NHLRC2: variants seen among roughly 807,000 people sequenced by gnomAD.
NHLRC2 encodes the protein NHL repeat-containing protein 2.
In NHLRC2, 33 loss-of-function variants were observed where a neutral mutation model predicts 68.1. The observed-to-expected ratio is 0.48, with a 90% CI of 0.37 to 0.65. The LOEUF is 0.65. Ranked by LOEUF, NHLRC2 falls within the 30% of genes least tolerant of loss-of-function variation. The pLI, the probability that NHLRC2 is intolerant of heterozygous loss-of-function variation, is 0.00. For missense variants in NHLRC2, 761 were observed against 853.8 expected, an observed-to-expected ratio of 0.89 and a Z score of 1.35; for synonymous variants, 311 against 309.6, an observed-to-expected ratio of 1.00 and a Z score of -0.05.
At chr10:113,891,913 G>C (rs1846136711) in intron 5 of NHLRC2, among the ~76,000 whole-genome samples, 1 of 152,154 alleles carries the variant, frequency 6.6e-6, no homozygotes, top group African/African-American at 2.4e-5. Flanking sequence ...GTCTGTGATT[G>C]GTTTGGGGAG....
chr10:113,916,352 T>G lies in NHLRC2; in HGVS notation c.*7816T>G, dbSNP rs1399541459. 1 of 152,186 alleles carries G rather than the reference T, an allele frequency of 6.6e-6. No homozygotes were observed. The highest frequency in any genetic ancestry group is 6.5e-5 in the Admixed American group (1 of 15,286). The allele number at this position is 152,186 out of a possible 1,614,324, so 9.4% of individuals were successfully genotyped here. On this transcript the variant is annotated 3_prime_UTR_variant, in exon 11 of 11. Transcript: ENST00000369301. ...AACAATAGTAGTTTCTGTAGAAGTT[T>G]CAGTGAGAAATTATGGTTATATAAA... is the stretch of plus-strand genomic sequence containing the variant.
At position 113,858,664 on chromosome 10, in the gene NHLRC2, CACAT is replaced by C. The variant is rs1442077483; in HGVS notation, c.318_321del (p.Tyr107LeufsTer50). ...TGCCTGATCTCCATGCATTAGAACA[CACAT>C]ACTCTGATAAAGGTATCTGCTCTTT... is the stretch of plus-strand genomic sequence containing the variant. On this transcript the variant is annotated frameshift_variant, in exon 2 of 11. Transcript: ENST00000369301. LOFTEE classifies it high-confidence loss of function. 1 of 1,610,596 alleles carries C rather than the reference CACAT, an allele frequency of 6.2e-7. No individual in the cohort carries two copies. Among genetic ancestry groups the C allele is most frequent in the Non-Finnish European group, 8.5e-7 (1 of 1,177,108 alleles).
At chr10:113,877,576 G>A (rs1845996132) in intron 3 of NHLRC2, among the ~76,000 whole-genome samples, 1 of 152,060 alleles carries the variant, frequency 6.6e-6, no homozygotes, top group African/African-American at 2.4e-5. Context: ...CCTGGTCTTA[G>A]ATCTAAAACT....
At chr10:113,864,469 G>A (rs1448695842) in intron 2 of NHLRC2, among the ~76,000 whole-genome samples, 2 of 152,148 alleles carry the variant, frequency 1.3e-5, no homozygotes, top group Non-Finnish European at 2.9e-5. Context: ...GGAGGCCAAG[G>A]CAGGCGGATC....
chr10:113,877,942 A>G (rs1845999865), intron 3 of NHLRC2, among the ~76,000 whole-genome samples: 1 of 152,180 alleles, frequency 6.6e-6, no homozygotes, highest in Non-Finnish European at 1.5e-5. Flanking sequence ...CTTTTGTAGC[A>G]GTTTGAATTT....
intron 6 of NHLRC2, among the ~76,000 whole-genome samples, chr10:113,900,538 C>T (rs10787509): frequency 0.39 from 59,001 of 151,960 alleles, 13,433 homozygotes; most frequent in Middle Eastern, 0.54. Flanking sequence ...GATGTATTAT[C>T]TTTATTACCG....
At chr10:113,867,711 G>C (rs1845881847) in intron 2 of NHLRC2, among the ~76,000 whole-genome samples, 1 of 152,034 alleles carries the variant, frequency 6.6e-6, no homozygotes, top group East Asian at 1.9e-4. Flanking sequence ...GTTGTCTTCT[G>C]GATCTCAGAA....
rs1033166985 is a variant in NHLRC2 at position 113,910,756 on chromosome 10, T to G, written c.*2220T>G. The G allele has an allele frequency of 3.9e-5, 6 of 152,230 alleles. No individual in the cohort carries two copies. The highest frequency in any genetic ancestry group is 1.4e-4 in the African/African-American group (6 of 41,474). The allele number at this position is 152,230 out of a possible 1,614,324, so 9.4% of individuals were successfully genotyped here. On this transcript the variant is annotated 3_prime_UTR_variant, in exon 11 of 11. Coordinates refer to ENST00000369301, the MANE Select transcript of NHLRC2 (RefSeq NM_198514.4). Reference sequence around the variant, plus strand: ...TGCAAAGGCATTTTTTAGACTCTATTCCCCTTCATTTGTCTAGACAGTTTT... The same window carrying G: ...TGCAAAGGCATTTTTTAGACTCTATGCCCCTTCATTTGTCTAGACAGTTTT...
intron 3 of NHLRC2, among the ~76,000 whole-genome samples, chr10:113,879,355 A>G (rs963710150): frequency 1.6e-4 from 25 of 152,174 alleles, no homozygotes; most frequent in Admixed American, 7.2e-4. Flanking sequence ...TTTCTTCGCT[A>G]TATACTACTA....
chr10:113,901,455 A>G (rs1359172241), intron 6 of NHLRC2, among the ~76,000 whole-genome samples: 2 of 152,262 alleles, frequency 1.3e-5, no homozygotes, highest in Non-Finnish European at 2.9e-5. Flanking sequence ...AAGTAAAGTA[A>G]GAAGTTCCCT....
chr10:113,887,918 T>C (rs545904673), intron 5 of NHLRC2, among the ~76,000 whole-genome samples: 3 of 151,556 alleles, frequency 2.0e-5, no homozygotes, highest in Admixed American at 6.6e-5. Context: ...TGTATGATCT[T>C]ACTTGTGGAA....
intron 2 of NHLRC2, chr10:113,858,912 G>A (rs1395965212): frequency 2.9e-6 from 1 of 350,632 alleles, no homozygotes; most frequent in Non-Finnish European, 5.1e-6. Flanking sequence ...TTTTCTCTGC[G>A]GATAGGGGCA....
At chr10:113,906,805 C>A (rs1015248884) in intron 10 of NHLRC2, among the ~76,000 whole-genome samples, 1 of 152,078 alleles carries the variant, frequency 6.6e-6, no homozygotes, top group Non-Finnish European at 1.5e-5. Context: ...CTGGCTAACA[C>A]GGTGAAACCC....
Position 113,904,916 on chromosome 10 carries a change from A to G in NHLRC2, c.1804A>G (p.Arg602Gly), listed in dbSNP as rs746122417. The G allele has an allele frequency of 6.2e-7, 1 of 1,608,986 alleles. No homozygotes were observed. Among genetic ancestry groups the G allele is most frequent in the Non-Finnish European group, 8.5e-7 (1 of 1,178,244 alleles). Residue 602 changes from arginine (R) to glycine (G), a missense_variant, in exon 10 of 11, where the codon AGG becomes GGG. By Grantham distance (125) the Arg-to-Gly change is moderately radical (BLOSUM62 -2). Coordinates refer to ENST00000369301, the MANE Select transcript of NHLRC2 (RefSeq NM_198514.4). ...PKLPKSAPSI[R>G]LSPVTACAGQ... The stretch of plus-strand genomic sequence containing the variant: ...ACTACCTAAATCTGCTCCAAGCATT[A>G]GGCTTTCCCCCGTGACTGCGTGTGC...
At chr10:113,877,469 A>G (rs1020952035) in intron 3 of NHLRC2, among the ~76,000 whole-genome samples, 4 of 152,158 alleles carry the variant, frequency 2.6e-5, no homozygotes, top group Non-Finnish European at 5.9e-5. Context: ...TTCTTCCATA[A>G]GAACTTGAAC....
intron 2 of NHLRC2, among the ~76,000 whole-genome samples, chr10:113,862,811 A>T (rs919982214): frequency 6.6e-6 from 1 of 152,126 alleles, no homozygotes; most frequent in African/African-American, 2.4e-5. Context: ...CTTTAGATCT[A>T]AAAAGGTTAC....
At position 113,914,787 on chromosome 10, in the gene NHLRC2, T is replaced by A; in HGVS notation, c.*6251T>A. The stretch of plus-strand genomic sequence containing the variant: ...TATTAGCAATAATCATGTCACTATT[T>A]TGTCCTGAATAATTAAGAGTTTGCT... On this transcript the variant is annotated 3_prime_UTR_variant, in exon 11 of 11. Coordinates refer to ENST00000369301, the MANE Select transcript of NHLRC2 (RefSeq NM_198514.4). 1 of 337,436 alleles carries A rather than the reference T, an allele frequency of 3.0e-6. No homozygotes were observed. Among genetic ancestry groups the A allele is most frequent in the Non-Finnish European group, 5.8e-6 (1 of 172,134 alleles). 20.9% of individuals were successfully genotyped at this position (337,436 alleles called of 1,614,324 possible).
intron 2 of NHLRC2, among the ~76,000 whole-genome samples, chr10:113,862,952 G>GT (rs1324226606): frequency 6.6e-6 from 1 of 152,172 alleles, no homozygotes; most frequent in East Asian, 1.9e-4. Context: ...ACCAGCCTGA[G>GT]TAACATAGCA....
intron 10 of NHLRC2, 111 bp from the exon 11 acceptor site, chr10:113,908,169 T>G: frequency 1.3e-6 from 1 of 786,496 alleles, no homozygotes; most frequent in South Asian, 1.8e-5. Context: ...GCCTGGCACT[T>G]AGAGATTTTT....
Sources: allele counts gnomAD v4.1 joint callset (sites outside exome capture counted in the v4.1 genomes callset), GRCh38; gene constraint gnomAD v4.1.1; transcripts MANE v1.5; gene names NCBI Gene and HGNC (gene_info 2026-07-23, HGNC 2026-07-21).